CTNNBL1: variants seen among roughly 807,000 people sequenced by gnomAD.
CTNNBL1 encodes the protein catenin beta like 1.
In CTNNBL1, 31 loss-of-function variants were observed where a neutral mutation model predicts 72.7. That is an observed-to-expected ratio of 0.43 (90% CI 0.32 to 0.58). The LOEUF (loss-of-function observed/expected upper bound fraction) is 0.58, where lower values mean the gene tolerates loss of function less well. CTNNBL1 is among the 20% of genes least tolerant of loss of function. The probability of loss-of-function intolerance (pLI) is 0.08; values close to 1 mark genes in which losing one functional copy is unlikely to be tolerated. For missense variants in CTNNBL1, 534 were observed against 725.1 expected (o/e 0.74, Z 3.03); for synonymous variants, 240 against 267.3 (o/e 0.90, Z 1.00).
chr20:37,741,150 T>A (rs1483123846), intron 3 of CTNNBL1, among the ~76,000 whole-genome samples: 1 of 152,250 alleles, frequency 6.6e-6, no homozygotes, highest in Admixed American at 6.5e-5. Flanking sequence ...CCTGGGTTAC[T>A]GTTTTAATAT....
chr20:37,730,125 T>G lies in CTNNBL1; in HGVS notation c.31-2754T>G, dbSNP rs73621918. Among the ~76,000 whole-genome samples, 41 of 152,286 alleles carry G rather than the reference T, an allele frequency of 2.7e-4. 1 individual carries two copies. The East Asian group carries it at 7.7e-3, about 29-fold the overall frequency. On this transcript the variant is annotated intron_variant, in intron 1 of 15. Transcript: ENST00000361383. ...AACATGAATAAAGAGGGGAATGACT[T>G]TCTACCACTGGCAGAGTACTGTTCA...
chr20:37,742,803 C>T (rs564124352), intron 3 of CTNNBL1, among the ~76,000 whole-genome samples: 14 of 152,146 alleles, frequency 9.2e-5, no homozygotes, highest in Non-Finnish European at 1.8e-4. Flanking sequence ...CGTTCAATTA[C>T]TTTATTTATT....
intron 1 of CTNNBL1, among the ~76,000 whole-genome samples, chr20:37,717,898 A>G (rs1341954585): frequency 1.3e-5 from 2 of 152,174 alleles, no homozygotes; most frequent in Non-Finnish European, 2.9e-5. Context: ...GACACAGCAC[A>G]TGTTTCAGGG....
chr20:37,749,963 A>G (rs942362390), intron 4 of CTNNBL1: 3 of 152,208 alleles, frequency 2.0e-5, no homozygotes, highest in African/African-American at 7.2e-5. Context: ...TAAATTTTTA[A>G]TCTTTTTTAA....
chr20:37,777,188 C>G (rs779384622), intron 7 of CTNNBL1, 157 bp from the exon 8 acceptor site: 3 of 600,040 alleles, frequency 5.0e-6, no homozygotes, highest in Non-Finnish European at 6.0e-6. Flanking sequence ...GTTCTGGTCT[C>G]TTGAGAGCAG....
chr20:37,724,167 C>T (rs1217807899), intron 1 of CTNNBL1, among the ~76,000 whole-genome samples: 15 of 152,228 alleles, frequency 9.9e-5, no homozygotes, highest in Admixed American at 9.8e-4. Flanking sequence ...CGACGTTCCA[C>T]ATGTCTAATT....
chr20:37,730,169 G>T (rs2073117669), intron 1 of CTNNBL1, among the ~76,000 whole-genome samples: 1 of 152,218 alleles, frequency 6.6e-6, no homozygotes, highest in Non-Finnish European at 1.5e-5. Context: ...CAAAAGGGGA[G>T]ATGTGTAACA....
intron 11 of CTNNBL1, among the ~76,000 whole-genome samples, chr20:37,821,500 G>A (rs1326624351): frequency 2.0e-5 from 3 of 152,094 alleles, no homozygotes; most frequent in Admixed American, 6.5e-5. Context: ...AGTGAATAAC[G>A]TTTTGCCAGT....
intron 7 of CTNNBL1, among the ~76,000 whole-genome samples, chr20:37,771,156 T>C (rs565825977): frequency 6.6e-6 from 1 of 152,320 alleles, no homozygotes; most frequent in African/African-American, 2.4e-5. Flanking sequence ...TCAAATATGA[T>C]AATGCTTTTA....
chr20:37,799,181 C>G (rs750571457), intron 10 of CTNNBL1, among the ~76,000 whole-genome samples: 2 of 152,182 alleles, frequency 1.3e-5, no homozygotes, highest in Non-Finnish European at 2.9e-5. Flanking sequence ...TCCCTTACCC[C>G]CAAGCGGTGT....
chr20:37,697,671 C>A (rs1325959665), intron 1 of CTNNBL1, among the ~76,000 whole-genome samples: 1 of 152,228 alleles, frequency 6.6e-6, no homozygotes, highest in Non-Finnish European at 1.5e-5. Flanking sequence ...GATAAAGGGA[C>A]TCACCTGAGG....
Position 37,765,224 on chromosome 20 carries a change from G to A in CTNNBL1, c.592G>A (p.Val198Ile), listed in dbSNP as rs1404772783. Residue 198 changes from valine to isoleucine, a missense_variant, in exon 6 of 16, where the codon GTA (valine) becomes ATA (isoleucine). Coordinates refer to ENST00000361383, the MANE Select transcript of CTNNBL1 (RefSeq NM_030877.5). ...LVDGQVVALL[V>I]QNLERLDESV... ...GGATGGGCAGGTGGTAGCACTGCTG[G>A]TACAGAATCTGGAGCGCCTGGATGA... The A allele has an allele frequency of 1.3e-6, 2 of 1,551,490 alleles. No individual in the cohort carries two copies. Among genetic ancestry groups the A allele is most frequent in the African/African-American group, 1.4e-5 (1 of 73,166 alleles).
At chr20:37,795,219 C>T (rs1007345300) in intron 10 of CTNNBL1, among the ~76,000 whole-genome samples, 1 of 151,600 alleles carries the variant, frequency 6.6e-6, no homozygotes, top group African/African-American at 2.4e-5. Flanking sequence ...ACTGAAGCCT[C>T]TGCCTCCTCC....
intron 15 of CTNNBL1, among the ~76,000 whole-genome samples, chr20:37,869,476 A>C (rs2072564654): frequency 1.3e-5 from 2 of 152,186 alleles, no homozygotes; most frequent in African/African-American, 4.8e-5. Context: ...ACTGCAGGAG[A>C]TCCTTCAGCA....
chr20:37,812,482 A>G (rs916111044), intron 11 of CTNNBL1, among the ~76,000 whole-genome samples: 2 of 152,196 alleles, frequency 1.3e-5, no homozygotes, highest in Non-Finnish European at 2.9e-5. Flanking sequence ...ACCCTCAGTT[A>G]CGATCCTGGT....
intron 10 of CTNNBL1, among the ~76,000 whole-genome samples, chr20:37,787,161 T>C (rs1304785002): frequency 6.6e-6 from 1 of 151,684 alleles, no homozygotes; most frequent in African/African-American, 2.4e-5. Context: ...TCCACTATGT[T>C]GCCCAGGCTG....
chr20:37,723,500 C>T (rs568997220), intron 1 of CTNNBL1, among the ~76,000 whole-genome samples: 14 of 152,086 alleles, frequency 9.2e-5, no homozygotes, highest in African/African-American at 3.1e-4. Context: ...TTTTGAGGAG[C>T]GCTTGATATC....
At chr20:37,778,659 T>C (rs555619013) in intron 9 of CTNNBL1, among the ~76,000 whole-genome samples, 2 of 152,300 alleles carry the variant, frequency 1.3e-5, no homozygotes, top group East Asian at 3.9e-4. Context: ...TCAGTAGCCT[T>C]GGTTGTCAGG....
intron 1 of CTNNBL1, chr20:37,727,444 T>A: frequency 1.5e-6 from 1 of 652,706 alleles, no homozygotes; most frequent in Non-Finnish European, 1.9e-6. Context: ...ACCAGCTGTG[T>A]GGTTGGATGG....
Sources: allele counts gnomAD v4.1 joint callset (sites outside exome capture counted in the v4.1 genomes callset), GRCh38; gene constraint gnomAD v4.1.1; transcripts MANE v1.5; gene names NCBI Gene and HGNC (gene_info 2026-07-23, HGNC 2026-07-21).